Variants in WWP2 observed in about 807,000 individuals in gnomAD.
The protein encoded by WWP2 is WW domain containing E3 ubiquitin protein ligase 2, also known as NEDD4-like E3 ubiquitin-protein ligase WWP2.
WWP2 carries 57 observed loss-of-function variants against 121.0 expected under a neutral mutation model. That is an observed-to-expected ratio of 0.47 (90% CI 0.38 to 0.59). The LOEUF is 0.59. Among genes scored for constraint, WWP2 ranks in the 20% least tolerant of loss-of-function variants. The pLI, the probability that WWP2 is intolerant of heterozygous loss-of-function variation, is 0.00. For missense variants in WWP2, 962 were observed against 1,158.9 expected, an observed-to-expected ratio of 0.83 and a Z score of 2.47; for synonymous variants, 449 against 441.3, an observed-to-expected ratio of 1.02 and a Z score of -0.22.
At chr16:69,763,088 T>A (rs2038652413) in intron 1 of WWP2, among the ~76,000 whole-genome samples, 1 of 152,156 alleles carries the variant, frequency 6.6e-6, no homozygotes, top group South Asian at 2.1e-4. Flanking sequence ...ATTAAAAAAA[T>A]AAGTGTGGGC....
chr16:69,868,750 T>A (rs2057577183), intron 6 of WWP2, among the ~76,000 whole-genome samples: 1 of 152,138 alleles, frequency 6.6e-6, no homozygotes, highest in South Asian at 2.1e-4. Flanking sequence ...GAGGGCTGCC[T>A]GCCTTTCCCT....
chr16:69,836,545 G>A (rs2056879905), intron 4 of WWP2, among the ~76,000 whole-genome samples: 1 of 152,118 alleles, frequency 6.6e-6, no homozygotes, highest in Non-Finnish European at 1.5e-5. Context: ...GGAGGGTTAT[G>A]TTCTCAAAAG....
chr16:69,762,701 G>A (rs1234177537), intron 1 of WWP2, among the ~76,000 whole-genome samples: 2 of 152,200 alleles, frequency 1.3e-5, no homozygotes, highest in African/African-American at 4.8e-5. Context: ...CAGGCATGGA[G>A]AGGAGCGATC....
At chr16:69,780,929 G>A (rs767132230) in intron 1 of WWP2, among the ~76,000 whole-genome samples, 1 of 152,188 alleles carries the variant, frequency 6.6e-6, no homozygotes, top group Non-Finnish European at 1.5e-5. Context: ...TCAGGAATCT[G>A]AGGCGGAAGG....
Position 69,857,638 on chromosome 16 carries a change from G to A in WWP2, c.576-14166G>A, listed in dbSNP as rs114096596. ...TTTGTGTGTTTTGTGTTTTCAAATG[G>A]CCTTTGAAGGTCAACTCTTTTTTTT... On this transcript the variant is annotated intron_variant, in intron 6 of 23. Transcript: ENST00000359154. 5.2e-3 allele frequency among the ~76,000 whole-genome samples: 786 copies of A among 149,760 alleles called. 7 individuals carry two copies. The highest frequency in any genetic ancestry group is 0.018 in the African/African-American group (736 of 40,410).
At chr16:69,833,656 A>G (rs2056829363) in intron 4 of WWP2, among the ~76,000 whole-genome samples, 1 of 152,252 alleles carries the variant, frequency 6.6e-6, no homozygotes, top group South Asian at 2.1e-4. Flanking sequence ...TAGCTGAAGA[A>G]GTATGTTTGC....
chr16:69,797,875 C>A lies in WWP2; in HGVS notation c.71-807C>A, dbSNP rs542869412. Reference sequence around the variant, plus strand: ...TACACTCCAGCCTGGGCAACAAGAGCCAAACTCTATCTCAGAAAAAAAAAA... The same window carrying A: ...TACACTCCAGCCTGGGCAACAAGAGACAAACTCTATCTCAGAAAAAAAAAA... On this transcript the variant is annotated intron_variant, in intron 2 of 23. Transcript: ENST00000359154. Among the ~76,000 whole-genome samples the A allele has an allele frequency of 2.7e-4, 40 of 149,992 alleles. 1 individual carries two copies. Among genetic ancestry groups the A allele is most frequent in the African/African-American group, 9.7e-4 (39 of 40,402 alleles).
In WWP2 at chr16:69,883,400, G is replaced by GCGCA. The variant is rs141327083; in HGVS notation, c.704-4638_704-4637insGCAC. Among the ~76,000 whole-genome samples the GCGCA allele has an allele frequency of 6.6e-3, 962 of 145,964 alleles. 5 individuals carry two copies. The highest frequency in any genetic ancestry group is 0.02 in the African/African-American group (787 of 38,612). ...AAGCTTTCATGTTCTAAGAATGTGC[G>GCGCA]CACACACACACACACACACACACAC... On this transcript the variant is annotated intron_variant, in intron 7 of 23. Coordinates refer to ENST00000359154, the MANE Select transcript of WWP2 (RefSeq NM_001270454.2).
chr16:69,909,304 G>A lies in WWP2; in HGVS notation c.1004+454G>A, dbSNP rs1026536548. ...CTTTCCACATGTGTCTCCTGGTCCCGAGAGCTTTCAAAAGGGGATGTATTC... is the reference window on the plus strand; with the variant it reads ...CTTTCCACATGTGTCTCCTGGTCCCAAGAGCTTTCAAAAGGGGATGTATTC... On this transcript the variant is annotated intron_variant, in intron 9 of 23. Coordinates refer to ENST00000359154, the MANE Select transcript of WWP2 (RefSeq NM_001270454.2). 8 of 987,866 alleles carry A rather than the reference G, an allele frequency of 8.1e-6. No individual in the cohort carries two copies. The African/African-American group carries it at 1.4e-4, about 17-fold the overall frequency. 61.2% of individuals were successfully genotyped at this position (987,866 alleles called of 1,614,324 possible).
chr16:69,841,956 G>A (rs566806690), intron 5 of WWP2, 68 bp from the exon 6 acceptor site: 17 of 1,499,190 alleles, frequency 1.1e-5, no homozygotes, highest in Admixed American at 3.8e-5. Context: ...GTTCCTGGCC[G>A]TCAAATCTCA....
intron 4 of WWP2, among the ~76,000 whole-genome samples, chr16:69,830,338 C>T (rs906519983): frequency 6.6e-6 from 1 of 152,142 alleles, no homozygotes; most frequent in Non-Finnish European, 1.5e-5. Context: ...ATCCTCCTGC[C>T]TCGGCCTCCC....
chr16:69,818,639 A>G (rs1296515096), intron 4 of WWP2, among the ~76,000 whole-genome samples: 1 of 152,154 alleles, frequency 6.6e-6, no homozygotes. Context: ...CTGGCCTTAT[A>G]GATTGGACAC....
At chr16:69,784,103 T>C (rs1252656930) in intron 1 of WWP2, among the ~76,000 whole-genome samples, 1 of 138,406 alleles carries the variant, frequency 7.2e-6, no homozygotes, top group Non-Finnish European at 1.6e-5. Flanking sequence ...TTTTTTTTTT[T>C]TTTTTTTTTT....
rs113525332 is a variant in WWP2 at position 69,940,788 on chromosome 16, C to T, written c.*848C>T. Reference sequence around the variant, plus strand: ...CTCTCAGGAACCCACCTGGCGGTTCCGTGAGCTCAGGCAGGCCTGACCCGG... The same window carrying T: ...CTCTCAGGAACCCACCTGGCGGTTCTGTGAGCTCAGGCAGGCCTGACCCGG... On this transcript the variant is annotated 3_prime_UTR_variant, in exon 24 of 24. Transcript: ENST00000359154. 273 of 153,382 alleles carry T rather than the reference C, an allele frequency of 1.8e-3. 1 individual carries two copies. The highest frequency in any genetic ancestry group is 3.1e-3 in the Non-Finnish European group (213 of 68,046). 9.5% of individuals were successfully genotyped at this position (153,382 alleles called of 1,614,324 possible). A position where few individuals can be genotyped will look rare whatever the true frequency, so the allele number is the denominator to read the frequency against.
At chr16:69,894,109 T>A (rs2058071692) in intron 8 of WWP2, among the ~76,000 whole-genome samples, 1 of 151,810 alleles carries the variant, frequency 6.6e-6, no homozygotes, top group African/African-American at 2.4e-5. Context: ...GGAGTCTCGC[T>A]CTGTCACCCA....
chr16:69,778,749 C>G (rs925438531), intron 1 of WWP2, among the ~76,000 whole-genome samples: 13 of 151,120 alleles, frequency 8.6e-5, no homozygotes, highest in African/African-American at 3.2e-4. Flanking sequence ...TCAAGCAATT[C>G]TCCTGCCTCA....
intron 1 of WWP2, among the ~76,000 whole-genome samples, chr16:69,769,988 A>T (rs1189827983): frequency 2.6e-5 from 4 of 151,698 alleles, no homozygotes; most frequent in Admixed American, 2.6e-4. Flanking sequence ...CAGCCTCCCA[A>T]GTAGCTGGGG....
At chr16:69,781,550 T>C (rs549480273) in intron 1 of WWP2, among the ~76,000 whole-genome samples, 13 of 152,122 alleles carry the variant, frequency 8.5e-5, no homozygotes, top group Non-Finnish European at 1.9e-4. Context: ...AGTTTGACCA[T>C]GTTGCCCAGG....
In WWP2 at chr16:69,939,359, A is replaced by G; in HGVS notation, c.2459A>G (p.Lys820Arg). ...AELIGSNGPQ[K>R]FCIDKVGKET... ...ATCACAGGTAGCAACGGACCACAGA[A>G]GTTTTGCATTGACAAAGTTGGCAAG... Residue 820 changes from lysine to arginine, a missense_variant, in exon 23 of 24, where the codon AAG becomes AGG. This residue lies in a region of WWP2 where 606 missense variants were observed against 772.6 expected (regional missense o/e 0.78). Coordinates refer to ENST00000359154, the MANE Select transcript of WWP2 (RefSeq NM_001270454.2). The G allele has an allele frequency of 6.2e-7, 1 of 1,614,190 alleles. No individual in the cohort carries two copies. The highest frequency in any genetic ancestry group is 8.5e-7 in the Non-Finnish European group (1 of 1,180,032).
Sources: gnomAD v4.1 joint callset for allele counts (sites outside exome capture counted in the v4.1 genomes callset) on GRCh38, gnomAD v4.1.1 for gene constraint, gnomAD v4.1.1 regional missense constraint, MANE v1.5 for transcripts, NCBI Gene and HGNC (gene_info 2026-07-23, HGNC 2026-07-21) for gene names.